The following SLC35D4 variants were observed in gnomAD, a reference collection of about 807,000 sequenced individuals.
SLC35D4 encodes solute carrier family 35 member D4, also known as UDP-N-acetylglucosamine transporter SLC35D4.
At chr18:23,359,114 C>T in the SLC35D4 span, among the ~76,000 whole-genome samples, 702 of 152,226 alleles carry the variant, frequency 4.6e-3, 4 homozygotes, top group Non-Finnish European at 4.2e-3. Flanking sequence ...AGGCTGGGCG[C>T]GGTGGCTGAC....
At chr18:23,313,399 A>G in the SLC35D4 span, among the ~76,000 whole-genome samples, 2 of 152,040 alleles carry the variant, frequency 1.3e-5, no homozygotes, top group Non-Finnish European at 2.9e-5. Context: ...AAAAGAAAAA[A>G]AAAAAGGAGC....
chr18:23,363,444 A>G, the SLC35D4 span, among the ~76,000 whole-genome samples: 15 of 123,716 alleles, frequency 1.2e-4, no homozygotes, highest in East Asian at 3.0e-3. Context: ...AGGCGATCTC[A>G]GCTCACTGCA....
chr18:23,283,485 A>G, the SLC35D4 span, among the ~76,000 whole-genome samples: 4 of 150,508 alleles, frequency 2.7e-5, no homozygotes, highest in Non-Finnish European at 5.9e-5. Context: ...AAAAAAAAAA[A>G]AAAAAAAAGA....
the SLC35D4 span, among the ~76,000 whole-genome samples, chr18:23,411,551 A>AAGAAAGAAAGAG: frequency 6.7e-6 from 1 of 150,032 alleles, no homozygotes; most frequent in Admixed American, 6.6e-5. Context: ...GAAAGAAAGA[A>AAGAAAGAAAGAG]AGGTGTGTGC....
At chr18:23,339,612 T>G in the SLC35D4 span, among the ~76,000 whole-genome samples, 1 of 152,218 alleles carries the variant, frequency 6.6e-6, no homozygotes, top group Non-Finnish European at 1.5e-5. Context: ...GGTGTCTTAG[T>G]CCATCTGGGC....
chr18:23,376,920 T>C, the SLC35D4 span: 1 of 456,610 alleles, frequency 2.2e-6, no homozygotes, highest in African/African-American at 2.0e-5. Flanking sequence ...TTTGGTTTTG[T>C]CTTGTTCTTT....
chr18:23,305,239 T>A, the SLC35D4 span, among the ~76,000 whole-genome samples: 1 of 152,368 alleles, frequency 6.6e-6, no homozygotes, highest in Admixed American at 6.5e-5. Flanking sequence ...GCTCTGTTTG[T>A]TTCCTCTGCT....
chr18:23,410,811 A>C, the SLC35D4 span, among the ~76,000 whole-genome samples: 1 of 152,184 alleles, frequency 6.6e-6, no homozygotes, highest in Non-Finnish European at 1.5e-5. Context: ...AACAAAAAGA[A>C]AAAAGTTCAT....
chr18:23,247,879 C>T, the SLC35D4 span, among the ~76,000 whole-genome samples: 1 of 152,252 alleles, frequency 6.6e-6, no homozygotes, highest in Admixed American at 6.5e-5. Flanking sequence ...TCCCCACTTA[C>T]GCGGGGCCAA....
At chr18:23,335,434 G>A in the SLC35D4 span, among the ~76,000 whole-genome samples, 1 of 152,146 alleles carries the variant, frequency 6.6e-6, no homozygotes, top group Non-Finnish European at 1.5e-5. Context: ...TCCGCCCTCT[G>A]GTTGGGGCAC....
At chr18:23,435,442 A>C in the SLC35D4 span, among the ~76,000 whole-genome samples, 1,338 of 152,332 alleles carry the variant, frequency 8.8e-3, 15 homozygotes, top group African/African-American at 0.03. Context: ...TAAATTGAAA[A>C]AGCCAGAGAT....
At chr18:23,396,102 G>GA in the SLC35D4 span, among the ~76,000 whole-genome samples, 4 of 152,156 alleles carry the variant, frequency 2.6e-5, no homozygotes, top group African/African-American at 9.7e-5. Context: ...TAACTCTGTA[G>GA]ATCATTTGGT....
the SLC35D4 span, among the ~76,000 whole-genome samples, chr18:23,395,606 T>C: frequency 6.6e-6 from 1 of 152,240 alleles, no homozygotes; most frequent in African/African-American, 2.4e-5. Context: ...AAATTGCCAA[T>C]GCCAGGATGG....
At chr18:23,245,260 C>A in the SLC35D4 span, among the ~76,000 whole-genome samples, 5 of 152,142 alleles carry the variant, frequency 3.3e-5, no homozygotes, top group Non-Finnish European at 5.9e-5. Context: ...GTAACCCCAA[C>A]GCTTTGGGAG....
At chr18:23,421,663 A>G in the SLC35D4 span, among the ~76,000 whole-genome samples, 1 of 146,370 alleles carries the variant, frequency 6.8e-6, no homozygotes, top group African/African-American at 2.5e-5. Context: ...TGACATTGAC[A>G]TTCTTCTCCT....
At chr18:23,413,458 G>A in the SLC35D4 span, among the ~76,000 whole-genome samples, 3 of 152,136 alleles carry the variant, frequency 2.0e-5, no homozygotes, top group Admixed American at 1.3e-4. Context: ...TGACCCTGCC[G>A]CAGTGTTAGG....
the SLC35D4 span, among the ~76,000 whole-genome samples, chr18:23,423,857 AC>A: frequency 1.3e-5 from 2 of 152,114 alleles, no homozygotes; most frequent in Non-Finnish European, 2.9e-5. Context: ...TTTGGTCTGG[AC>A]CCCAGCACCG....
the SLC35D4 span, among the ~76,000 whole-genome samples, chr18:23,252,593 G>A: frequency 0.79 from 120,320 of 152,030 alleles, 48,168 homozygotes; most frequent in African/African-American, 0.89. Flanking sequence ...ATGGTCAAGT[G>A]GAGATTGAAC....
At chr18:23,399,672 A>G in the SLC35D4 span, 2 of 1,611,858 alleles carry the variant, frequency 1.2e-6, no homozygotes, top group South Asian at 2.2e-5. Flanking sequence ...AAAAAGCAAT[A>G]ACACTTTTGC....
Sources: allele counts gnomAD v4.1 joint callset (sites outside exome capture counted in the v4.1 genomes callset), GRCh38; gene constraint gnomAD v4.1.1; transcripts MANE v1.5; gene names NCBI Gene and HGNC (gene_info 2026-07-23, HGNC 2026-07-21).